The following ALX4 variants were observed in gnomAD, a reference collection of about 807,000 sequenced individuals.
The protein encoded by ALX4 is ALX homeobox 4, also known as homeobox protein aristaless-like 4.
ALX4 carries 22 observed loss-of-function variants against 40.6 expected under a neutral mutation model. The ratio of observed to expected loss-of-function variants is 0.54; its 90% CI spans 0.39 to 0.77. ALX4 has a LOEUF of 0.77. ALX4 is among the 30% of genes least tolerant of loss of function. The pLI is 0.00. For synonymous variants in ALX4, 266 were observed against 240.5 expected, an observed-to-expected ratio of 1.11 and a Z score of -0.98; for missense variants, 556 against 564.8, an observed-to-expected ratio of 0.98 and a Z score of 0.16.
chr11:44,299,096 T>A (rs1379689824), intron 1 of ALX4, among the ~76,000 whole-genome samples: 5 of 152,156 alleles, frequency 3.3e-5, no homozygotes, highest in Non-Finnish European at 7.3e-5. Context: ...GCTCCTCAGC[T>A]CCACCCTACC....
chr11:44,282,860 G>A (rs570635741), intron 1 of ALX4, among the ~76,000 whole-genome samples: 1 of 152,348 alleles, frequency 6.6e-6, no homozygotes, highest in African/African-American at 2.4e-5. Context: ...GCTTGCACTG[G>A]TGTGATGGAA....
rs73541711 is a variant in ALX4 at position 44,281,486 on chromosome 11, C to G, written c.467-5828G>C. Among the ~76,000 whole-genome samples the G allele has an allele frequency of 6.3e-3, 952 of 152,148 alleles. 8 individuals carry two copies. The highest frequency in any genetic ancestry group is 0.021 in the African/African-American group (886 of 41,508). The stretch of plus-strand genomic sequence containing the variant: ...TTATCCTCCATGGTTTTGATTACAT[C>G]TATTTTTCCTCCAAACATCTGCTTT... On this transcript the variant is annotated intron_variant, in intron 1 of 3. Transcript: ENST00000652299.
intron 1 of ALX4, among the ~76,000 whole-genome samples, chr11:44,288,489 A>T (rs1449325407): frequency 3.9e-5 from 6 of 152,260 alleles, no homozygotes; most frequent in Non-Finnish European, 7.3e-5. Context: ...TGAAGCTGGC[A>T]TATGTAATCA....
intron 1 of ALX4, among the ~76,000 whole-genome samples, chr11:44,301,069 A>G (rs1590703484): frequency 6.6e-6 from 1 of 152,252 alleles, no homozygotes; most frequent in Admixed American, 6.5e-5. Flanking sequence ...ACCTGAAGGC[A>G]GGGGCTGCAT....
At chr11:44,267,959 T>G (rs979277555) in intron 2 of ALX4, among the ~76,000 whole-genome samples, 4 of 152,210 alleles carry the variant, frequency 2.6e-5, no homozygotes, top group African/African-American at 9.7e-5. Context: ...CTAAGCAGAC[T>G]CCTGTGGAGA....
intron 1 of ALX4, among the ~76,000 whole-genome samples, chr11:44,280,379 A>C (rs1956302688): frequency 6.6e-6 from 1 of 152,220 alleles, no homozygotes; most frequent in Admixed American, 6.5e-5. Context: ...GGGAGCTCTC[A>C]GTTTGCCTGG....
chr11:44,278,851 G>A (rs1442173257), intron 1 of ALX4, among the ~76,000 whole-genome samples: 12 of 152,214 alleles, frequency 7.9e-5, no homozygotes, highest in Non-Finnish European at 1.3e-4. Context: ...GGGGGAGGGT[G>A]TGCCTGTGTC....
In ALX4 at chr11:44,291,930, TG is replaced by T; in HGVS notation, c.467-16273del. ...GCCCCCCAGGTTCAAGCCATTCTTC[TG>T]CCTCAGCCTCCCGAGTAGCTGGGAT... On this transcript the variant is annotated intron_variant, in intron 1 of 3. Transcript: ENST00000652299. Among the ~76,000 whole-genome samples, 2 of 152,310 alleles carry T rather than the reference TG, an allele frequency of 1.3e-5. 1 individual carries two copies. The highest frequency in any genetic ancestry group is 6.8e-3 in the Middle Eastern group (2 of 294).
chr11:44,267,180 C>G (rs1956218066), intron 3 of ALX4, among the ~76,000 whole-genome samples: 1 of 152,176 alleles, frequency 6.6e-6, no homozygotes. Context: ...TATCTGAGGG[C>G]CTGGTGGCCT....
At position 44,275,498 on chromosome 11, in the gene ALX4, G is replaced by A; in HGVS notation, c.627C>T (p.Ser209=). ...GGTTCCGCCGCTTCTTGCCCTTGTT[G>A]CTCTCTGAGTCGGCCTTCTCCAATG... ...PSPLEKADSE[S]NKGKKRRNRT... Residue 209 remains serine (S), a synonymous_variant, in exon 2 of 4, where the codon AGC becomes AGT. Transcript: ENST00000652299. 1 of 1,614,038 alleles carries A rather than the reference G, an allele frequency of 6.2e-7. No homozygotes were observed. Among genetic ancestry groups the A allele is most frequent in the Non-Finnish European group, 8.5e-7 (1 of 1,179,904 alleles).
chr11:44,283,089 A>C (rs545553416), intron 1 of ALX4, among the ~76,000 whole-genome samples: 1 of 152,270 alleles, frequency 6.6e-6, no homozygotes, highest in East Asian at 1.9e-4. Flanking sequence ...TCTACTAAAA[A>C]TACAAAAATT....
In ALX4 at chr11:44,303,003, A is replaced by G. The variant is rs369675669; in HGVS notation, c.466+6594T>C. On this transcript the variant is annotated intron_variant, in intron 1 of 3. Transcript: ENST00000652299. ...AGAACATACTTCTCCAAGGCCATGGAGGAGTAGAGAATGCAAAGGTGGAGG... is the reference window on the plus strand; with the variant it reads ...AGAACATACTTCTCCAAGGCCATGGGGGAGTAGAGAATGCAAAGGTGGAGG... Among the ~76,000 whole-genome samples the G allele has an allele frequency of 8.0e-4, 122 of 152,264 alleles. No homozygotes were observed. The Middle Eastern group carries it at 0.014, about 17-fold the overall frequency.
In ALX4 at chr11:44,267,638, A is replaced by C. The variant is rs757938036; in HGVS notation, c.778-16T>G. On this transcript the variant is annotated splice_polypyrimidine_tract_variant and intron_variant, in intron 2 of 3. Transcript: ENST00000652299. ...GGAACCAGACCTACAAGACGCGAAA[A>C]AGCCATTGTCACCAGGGTGAGATGC... 2 of 1,614,016 alleles carry C rather than the reference A, an allele frequency of 1.2e-6. No individual in the cohort carries two copies. Among genetic ancestry groups the C allele is most frequent in the Non-Finnish European group, 1.7e-6 (2 of 1,179,982 alleles).
rs1222993345 is a variant in ALX4 at position 44,275,700 on chromosome 11, C to G, written c.467-42G>C. 10 of 1,595,166 alleles carry G rather than the reference C, an allele frequency of 6.3e-6. No individual in the cohort carries two copies. The East Asian group carries it at 2.0e-4, about 32-fold the overall frequency. On this transcript the variant is annotated intron_variant, in intron 1 of 3. Coordinates refer to ENST00000652299, the MANE Select transcript of ALX4 (RefSeq NM_021926.4). The stretch of plus-strand genomic sequence containing the variant: ...CAAAGTCAGAAACCAATGGTTGAAC[C>G]AAACAAGAGAAGGGGAATGTCAGGG...
In ALX4 at chr11:44,302,468, C is replaced by T. The variant is rs187694421; in HGVS notation, c.466+7129G>A. Among the ~76,000 whole-genome samples, 301 of 152,350 alleles carry T rather than the reference C, an allele frequency of 2.0e-3. 1 individual carries two copies. The highest frequency in any genetic ancestry group is 2.2e-3 in the Non-Finnish European group (147 of 68,034). ...TTCATTCATTCTTCCAGCCAGCGAACATTTGTTAAGCCCAACTGTACAAAA... is the reference window on the plus strand; with the variant it reads ...TTCATTCATTCTTCCAGCCAGCGAATATTTGTTAAGCCCAACTGTACAAAA... On this transcript the variant is annotated intron_variant, in intron 1 of 3. Transcript: ENST00000652299.
chr11:44,273,859 G>A (rs539634303), intron 2 of ALX4, among the ~76,000 whole-genome samples: 73 of 152,228 alleles, frequency 4.8e-4, no homozygotes, highest in African/African-American at 1.5e-3. Context: ...AAACTGAGGC[G>A]GGAGGATCCA....
chr11:44,279,798 C>A (rs1300840625), intron 1 of ALX4, among the ~76,000 whole-genome samples: 1 of 152,232 alleles, frequency 6.6e-6, no homozygotes, highest in Non-Finnish European at 1.5e-5. Flanking sequence ...CCCCGAATGT[C>A]CAGCTCCTCC....
intron 2 of ALX4, among the ~76,000 whole-genome samples, chr11:44,269,524 G>A (rs573874778): frequency 6.6e-6 from 1 of 152,332 alleles, no homozygotes; most frequent in East Asian, 1.9e-4. Flanking sequence ...GCGTGCACGA[G>A]TGTACCCACT....
intron 1 of ALX4, among the ~76,000 whole-genome samples, chr11:44,284,402 A>C (rs1369542285): frequency 2.0e-5 from 3 of 152,210 alleles, no homozygotes; most frequent in Admixed American, 2.0e-4. Context: ...GTTAAACTGG[A>C]ATTTTAGATA....
Sources: gnomAD v4.1 joint callset for allele counts (sites outside exome capture counted in the v4.1 genomes callset) on GRCh38, gnomAD v4.1.1 for gene constraint, MANE v1.5 for transcripts, NCBI Gene and HGNC (gene_info 2026-07-23, HGNC 2026-07-21) for gene names.